Variants in AXL observed in about 807,000 individuals in gnomAD.
The protein encoded by AXL is tyrosine-protein kinase receptor UFO.
Under a neutral mutation model 104.5 loss-of-function variants are expected in AXL, and 52 were observed. The observed-to-expected ratio is 0.50, with a 90% CI of 0.40 to 0.63. The LOEUF (loss-of-function observed/expected upper bound fraction) is 0.63. Among genes scored for constraint, AXL ranks in the 20% least tolerant of loss-of-function variants. The pLI, the probability that AXL is intolerant of heterozygous loss-of-function variation, is 0.00. For missense variants in AXL, 1,024 were observed against 1,188.5 expected (o/e 0.86, Z 2.04); for synonymous variants, 455 against 473.7 (o/e 0.96, Z 0.51).
intron 2 of AXL, 128 bp downstream of exon 2, chr19:41,220,986 A>G: frequency 8.0e-7 from 1 of 1,254,410 alleles, no homozygotes. Context: ...TGGAACCTCT[A>G]GGTTTCGTTT....
Position 41,220,627 on chromosome 19 carries a change from C to G in AXL, c.86-9C>G, listed in dbSNP as rs2033772765. ...GTTCCTAAGCTAACTCTTCCCATCT[C>G]CCCTCCAGGCACGCAGGCTGAAGAA... On this transcript the variant is annotated splice_polypyrimidine_tract_variant and intron_variant, in intron 1 of 19. Transcript: ENST00000301178. The G allele has an allele frequency of 6.4e-7, 1 of 1,558,632 alleles. No individual in the cohort carries two copies.
At chr19:41,221,805 C>G in intron 3 of AXL, 75 bp from the exon 4 acceptor site, 2 of 1,507,580 alleles carry the variant, frequency 1.3e-6, no homozygotes, top group Non-Finnish European at 8.9e-7. Context: ...CCAAAGCCTA[C>G]AGCATCCTAG....
intron 6 of AXL, among the ~76,000 whole-genome samples, chr19:41,236,961 C>T (rs185215579): frequency 9.2e-4 from 139 of 151,328 alleles, no homozygotes; most frequent in Middle Eastern, 6.8e-3. Context: ...TTTTTTTTAA[C>T]GCATCAGCTA....
At chr19:41,231,821 G>A (rs2033993912) in intron 6 of AXL, among the ~76,000 whole-genome samples, 1 of 151,864 alleles carries the variant, frequency 6.6e-6, no homozygotes, top group African/African-American at 2.4e-5. Context: ...CAGCTACTGG[G>A]GAGGCTGAGG....
intron 1 of AXL, among the ~76,000 whole-genome samples, chr19:41,219,809 G>A (rs1398438160): frequency 2.6e-5 from 4 of 151,772 alleles, no homozygotes; most frequent in African/African-American, 7.3e-5. Flanking sequence ...GGGTCGCCAG[G>A]AAGGAAGAAA....
intron 16 of AXL, among the ~76,000 whole-genome samples, 185 bp from the exon 17 acceptor site, chr19:41,253,414 A>G (rs1372816894): frequency 6.6e-6 from 1 of 152,170 alleles, no homozygotes; most frequent in Admixed American, 6.5e-5. Flanking sequence ...TAGGCAATCA[A>G]GTCCAAGAGG....
rs1311838879 is a variant in AXL at position 41,248,606 on chromosome 19, G to A, written c.1630G>A (p.Glu544Lys). Residue 544 changes from glutamate (E) to lysine (K), a missense_variant, in exon 13 of 20, where the codon GAG becomes AAG. Around this residue, in one of 5 missense-constraint regions of AXL, gnomAD observed 523 missense variants for 636.0 expected, o/e 0.82. Coordinates refer to ENST00000301178, the MANE Select transcript of AXL (RefSeq NM_021913.5). ...GGTGGCCCTGGGGAAGACTCTGGGA[G>A]AGGGTGAGTCCCCCGGCAGCATACA... ...HKVALGKTLG[E>K]GEFGAVMEGQ... 6.2e-7 allele frequency: 1 copy of A among 1,614,124 alleles called. No homozygotes were observed. Among genetic ancestry groups the A allele is most frequent in the Non-Finnish European group, 8.5e-7 (1 of 1,179,988 alleles).
At chr19:41,232,113 C>G (rs1027238260) in intron 6 of AXL, among the ~76,000 whole-genome samples, 1 of 152,138 alleles carries the variant, frequency 6.6e-6, no homozygotes, top group Admixed American at 6.5e-5. Flanking sequence ...CCAGCCCTGG[C>G]CACTCTGTGT....
intron 9 of AXL, 150 bp from the exon 10 acceptor site, chr19:41,239,544 C>T: frequency 2.6e-6 from 3 of 1,161,390 alleles, no homozygotes; most frequent in Non-Finnish European, 2.6e-6. Context: ...CGTGCCACAC[C>T]CTCACTCCCT....
intron 6 of AXL, among the ~76,000 whole-genome samples, chr19:41,232,448 C>G (rs1277318291): frequency 1.3e-5 from 2 of 151,848 alleles, no homozygotes; most frequent in Non-Finnish European, 2.9e-5. Context: ...ATGGTGAAAC[C>G]CCATTTCTAC....
At chr19:41,229,716 T>C (rs999402855) in intron 4 of AXL, among the ~76,000 whole-genome samples, 1 of 152,184 alleles carries the variant, frequency 6.6e-6, no homozygotes, top group African/African-American at 2.4e-5. Flanking sequence ...AGTGGAAACA[T>C]GCTTCATGTA....
chr19:41,243,161 G>A (rs962766485), intron 11 of AXL, 146 bp downstream of exon 11: 3 of 1,210,532 alleles, frequency 2.5e-6, no homozygotes, highest in East Asian at 2.5e-5. Context: ...GCTCACGCCT[G>A]TAATCCCAGC....
Position 41,260,236 on chromosome 19 carries a change from T to C in AXL, c.*332T>C. ...TTTCAAAGATGCTGTGAGTCTTTGG[T>C]TCTAAGGACCTGAAATTCCAAAGTC... On this transcript the variant is annotated 3_prime_UTR_variant, in exon 20 of 20. Coordinates refer to ENST00000301178, the MANE Select transcript of AXL (RefSeq NM_021913.5). 1 of 286,896 alleles carries C rather than the reference T, an allele frequency of 3.5e-6. No individual in the cohort carries two copies. Among genetic ancestry groups the C allele is most frequent in the Non-Finnish European group, 6.4e-6 (1 of 155,404 alleles). The allele number at this position is 286,896 out of a possible 1,614,324, so 17.8% of individuals were successfully genotyped here. A position where few individuals can be genotyped will look rare whatever the true frequency, so the allele number is the denominator to read the frequency against.
At chr19:41,242,704 A>T (rs1032565128) in intron 10 of AXL, among the ~76,000 whole-genome samples, 179 bp from the exon 11 acceptor site, 3 of 151,922 alleles carry the variant, frequency 2.0e-5, no homozygotes, top group Non-Finnish European at 4.4e-5. Context: ...TATCACATCC[A>T]TTGCATGCCC....
chr19:41,230,314 T>TG (rs2033956986), intron 4 of AXL, among the ~76,000 whole-genome samples: 1 of 148,916 alleles, frequency 6.7e-6, no homozygotes, highest in African/African-American at 2.5e-5. Flanking sequence ...CTCTCTGGGG[T>TG]GTAAGAATGT....
At position 41,231,291 on chromosome 19, in the gene AXL, C is replaced by T. The variant is rs1425140306; in HGVS notation, c.776C>T (p.Thr259Ile). ...GGCATCTACCCCCTGACCCACTGCA[C>T]CCTGCAGGTGAGACTCCCAAACTTG... ...LSGIYPLTHC[T>I]LQAVLSDDGM... The change falls in exon 6 of 20, where the codon ACC (threonine) becomes ATC (isoleucine). Residue 259 changes from threonine (T) to isoleucine (I), a missense_variant. Physicochemically the swap from Thr to Ile is moderately conservative, Grantham distance 89 (BLOSUM62 -1). This residue lies in a region of AXL where 332 missense variants were observed against 343.9 expected (regional missense o/e 0.97). Coordinates refer to ENST00000301178, the MANE Select transcript of AXL (RefSeq NM_021913.5). 3 of 1,612,962 alleles carry T rather than the reference C, an allele frequency of 1.9e-6. No individual in the cohort carries two copies. Among genetic ancestry groups the T allele is most frequent in the Non-Finnish European group, 1.7e-6 (2 of 1,179,364 alleles).
At chr19:41,224,984 C>T (rs1184432571) in intron 4 of AXL, among the ~76,000 whole-genome samples, 2 of 152,224 alleles carry the variant, frequency 1.3e-5, no homozygotes, top group African/African-American at 4.8e-5. Flanking sequence ...TGCGCATCTA[C>T]GAAACTGTGT....
intron 10 of AXL, among the ~76,000 whole-genome samples, chr19:41,240,255 A>G (rs948616159): frequency 3.7e-5 from 5 of 136,282 alleles, no homozygotes; most frequent in South Asian, 2.7e-4. Flanking sequence ...GGGTGGATGG[A>G]TGGATGGTTG....
chr19:41,243,743 A>C, intron 12 of AXL, 36 bp downstream of exon 12: 1 of 1,573,176 alleles, frequency 6.4e-7, no homozygotes. Context: ...CCTGGCCTGG[A>C]TCTAAAGGCT....
Sources: allele counts gnomAD v4.1 joint callset (sites outside exome capture counted in the v4.1 genomes callset), GRCh38; gene constraint gnomAD v4.1.1; regional missense constraint gnomAD v4.1.1; transcripts MANE v1.5; gene names NCBI Gene and HGNC (gene_info 2026-07-23, HGNC 2026-07-21).